CACNA1E: variants seen among roughly 807,000 people sequenced by gnomAD.
The protein encoded by CACNA1E is calcium voltage-gated channel subunit alpha1 E, also known as voltage-dependent R-type calcium channel subunit alpha-1E.
A neutral mutation model predicts 259.2 loss-of-function variants in CACNA1E; 40 were observed. The ratio of observed to expected loss-of-function variants is 0.15; its 90% CI spans 0.12 to 0.20. CACNA1E has a LOEUF of 0.20. Among genes scored for constraint, CACNA1E ranks in the 10% least tolerant of loss-of-function variants. CACNA1E has a pLI of 1.00. For missense variants in CACNA1E, 1,874 were observed against 3,040.1 expected (o/e 0.62, Z 9.02); for synonymous variants, 1,104 against 1,138.5 (o/e 0.97, Z 0.61).
At chr1:181,450,598 C>T (rs61505728) in intron 2 of CACNA1E, among the ~76,000 whole-genome samples, 4,112 of 151,932 alleles carry the variant, frequency 0.027, 202 homozygotes, top group African/African-American at 0.092. Context: ...GTTTTTAGAG[C>T]GCAGTAATAT....
intron 6 of CACNA1E, among the ~76,000 whole-genome samples, chr1:181,584,036 G>T (rs961926203): frequency 6.6e-6 from 1 of 152,014 alleles, no homozygotes; most frequent in Admixed American, 6.5e-5. Context: ...TCTTCACCTG[G>T]GCTGGAGGTG....
chr1:181,396,588 T>G (rs2102061657), intron 1 of CACNA1E, among the ~76,000 whole-genome samples: 2 of 152,246 alleles, frequency 1.3e-5, no homozygotes, highest in Middle Eastern at 6.8e-3. Flanking sequence ...AAGGAAGTGG[T>G]TTTTCTAAGA....
intron 1 of CACNA1E, among the ~76,000 whole-genome samples, chr1:181,504,363 A>C (rs954335768): frequency 1.3e-5 from 2 of 152,126 alleles, no homozygotes; most frequent in African/African-American, 4.8e-5. Context: ...TGAAGTTGGG[A>C]GAGTGCACAG....
intron 3 of CACNA1E, among the ~76,000 whole-genome samples, chr1:181,544,199 C>A (rs1443616559): frequency 6.6e-6 from 1 of 152,136 alleles, no homozygotes; most frequent in Non-Finnish European, 1.5e-5. Context: ...AAGTTCCTCA[C>A]AACAGGCTAC....
chr1:181,586,053 A>G (rs1034368255), intron 6 of CACNA1E, among the ~76,000 whole-genome samples: 1 of 152,224 alleles, frequency 6.6e-6, no homozygotes, highest in East Asian at 1.9e-4. Context: ...TATAAAAAAA[A>G]TGATAGAGGC....
intron 1 of CACNA1E, among the ~76,000 whole-genome samples, chr1:181,347,025 A>C (rs1421438976): frequency 6.6e-6 from 1 of 152,148 alleles, no homozygotes; most frequent in Non-Finnish European, 1.5e-5. Context: ...TGGGCTAATC[A>C]CGGAGGACCA....
At chr1:181,555,971 G>A (rs754116202) in intron 3 of CACNA1E, among the ~76,000 whole-genome samples, 1 of 152,160 alleles carries the variant, frequency 6.6e-6, no homozygotes, top group Non-Finnish European at 1.5e-5. Context: ...GGCATGAAAT[G>A]TTCTGAGACT....
At chr1:181,563,609 T>C (rs1649533373) in intron 3 of CACNA1E, among the ~76,000 whole-genome samples, 1 of 152,178 alleles carries the variant, frequency 6.6e-6, no homozygotes, top group Non-Finnish European at 1.5e-5. Context: ...TCAAGGATCA[T>C]GAGTGAGTAA....
At chr1:181,733,364 C>G in intron 20 of CACNA1E, 73 bp from the exon 21 acceptor site, 1 of 1,330,490 alleles carries the variant, frequency 7.5e-7, no homozygotes, top group African/African-American at 1.5e-5. Flanking sequence ...CCCCGCCTTC[C>G]CCTTGTGCCA....
At chr1:181,768,475 A>G (rs1343340103) in intron 35 of CACNA1E, among the ~76,000 whole-genome samples, 1 of 152,238 alleles carries the variant, frequency 6.6e-6, no homozygotes, top group Non-Finnish European at 1.5e-5. Flanking sequence ...GTTCTCAGAC[A>G]GTAAGTGAAA....
chr1:181,639,092 CT>C (rs869207328), intron 6 of CACNA1E, among the ~76,000 whole-genome samples: 243 of 144,536 alleles, frequency 1.7e-3, no homozygotes, highest in Middle Eastern at 7.0e-3. Flanking sequence ...GAGTAGATGC[CT>C]TTTTTTTTTT....
Position 181,798,308 on chromosome 1 carries a change from G to A in CACNA1E, c.6416G>A (p.Ser2139Asn). The change falls in exon 48 of 48, where the codon AGT (serine) becomes AAT (asparagine). Residue 2139 changes from serine to asparagine, a missense_variant. By Grantham distance (46) the Ser-to-Asn change is conservative. Transcript: ENST00000367573. The surrounding 1 kb of genome is among the most constrained non-coding windows in gnomAD (Gnocchi z 4.2). ...TPNRQGTGSL[S>N]ESSIPSVSDT... The stretch of plus-strand genomic sequence containing the variant: ...GCTATACAGGGCACAGGTTCCCTAA[G>A]TGAGAGCTCCATCCCCTCTGTCTCT... 3 of 1,597,254 alleles carry A rather than the reference G, an allele frequency of 1.9e-6. No homozygotes were observed. Among genetic ancestry groups the A allele is most frequent in the Non-Finnish European group, 2.6e-6 (3 of 1,173,052 alleles).
chr1:181,676,654 C>T (rs1027974920), intron 7 of CACNA1E, among the ~76,000 whole-genome samples: 3 of 152,098 alleles, frequency 2.0e-5, no homozygotes, highest in Non-Finnish European at 2.9e-5. Context: ...TAGACTCCAA[C>T]GAATAGCTGT....
intron 3 of CACNA1E, among the ~76,000 whole-genome samples, chr1:181,550,933 A>T (rs1002890728): frequency 6.6e-6 from 1 of 152,058 alleles, no homozygotes; most frequent in Non-Finnish European, 1.5e-5. Flanking sequence ...ATTTCTACAT[A>T]GATTGAAAGT....
chr1:181,557,166 T>C (rs1322450258), intron 3 of CACNA1E, among the ~76,000 whole-genome samples: 4 of 152,184 alleles, frequency 2.6e-5, no homozygotes, highest in Non-Finnish European at 4.4e-5. Context: ...GGGTGCTGGC[T>C]TCTGGAAGGC....
chr1:181,516,442 C>T (rs1209823675), intron 3 of CACNA1E, among the ~76,000 whole-genome samples: 2 of 150,922 alleles, frequency 1.3e-5, no homozygotes, highest in Admixed American at 6.6e-5. Flanking sequence ...GACTATTACC[C>T]AGTCCCATTT....
chr1:181,672,399 T>C (rs1648902434), intron 7 of CACNA1E, among the ~76,000 whole-genome samples: 1 of 152,242 alleles, frequency 6.6e-6, no homozygotes. Context: ...AAAAAGGATG[T>C]CTTTGCATTA....
intron 1 of CACNA1E, among the ~76,000 whole-genome samples, chr1:181,339,729 T>C (rs1181082979): frequency 6.6e-6 from 1 of 152,146 alleles, no homozygotes; most frequent in Non-Finnish European, 1.5e-5. Flanking sequence ...ATTTCTCTTA[T>C]TGTGAGATTC....
At chr1:181,495,026 A>G (rs1664629736) in intron 1 of CACNA1E, among the ~76,000 whole-genome samples, 1 of 152,232 alleles carries the variant, frequency 6.6e-6, no homozygotes, top group Non-Finnish European at 1.5e-5. Context: ...ATCAGTACAC[A>G]CTTTCATGAC....
Sources: gnomAD v4.1 joint callset for allele counts (sites outside exome capture counted in the v4.1 genomes callset) on GRCh38, gnomAD v4.1.1 for gene constraint, Gnocchi (gnomAD v3.1) non-coding constraint, MANE v1.5 for transcripts, NCBI Gene and HGNC (gene_info 2026-07-23, HGNC 2026-07-21) for gene names.